Variants in ZFP1 observed in about 807,000 individuals in gnomAD.
The protein encoded by ZFP1 is ZFP1 zinc finger protein.
ZFP1 carries 32 observed loss-of-function variants against 38.5 expected under a neutral mutation model. The observed-to-expected ratio is 0.83, with a 90% confidence interval of 0.63 to 1.12. The LOEUF (loss-of-function observed/expected upper bound fraction) is 1.12. ZFP1 is among the 50% of genes most tolerant of loss of function. The pLI, the probability that ZFP1 is intolerant of heterozygous loss-of-function variation, is 0.00. For synonymous variants in ZFP1, 245 were observed against 168.8 expected (o/e 1.45, Z -3.50); for missense variants, 616 against 480.8 (o/e 1.28, Z -2.63).
In ZFP1 at chr16:75,166,956, A is replaced by G. The variant is rs537167395; in HGVS notation, c.142+60A>G. 14 of 1,562,844 alleles carry G rather than the reference A, an allele frequency of 9.0e-6. No individual in the cohort carries two copies. The East Asian group carries it at 2.7e-4, about 30-fold the overall frequency. ...CCTAGAGGTATTTATGTCCTGTCTC[A>G]GTGACCAGAAATGAGCTTCTGAATT... On this transcript the variant is annotated intron_variant, in intron 3 of 3. Coordinates refer to ENST00000570010, the MANE Select transcript of ZFP1 (RefSeq NM_153688.4).
At chr16:75,124,629 A>G in the ZFP1 span, among the ~76,000 whole-genome samples, 3 of 150,602 alleles carry the variant, frequency 2.0e-5, no homozygotes, top group African/African-American at 7.3e-5. Context: ...TAAAAATACA[A>G]AAACAAAATT....
At chr16:75,131,213 C>G in the ZFP1 span, among the ~76,000 whole-genome samples, 2 of 152,196 alleles carry the variant, frequency 1.3e-5, no homozygotes, top group Admixed American at 6.5e-5. Context: ...GTGGGCCACC[C>G]TCAGGAGCAT....
chr16:75,170,571 T>G lies in ZFP1; in HGVS notation c.*237T>G. 1 of 468,552 alleles carries G rather than the reference T, an allele frequency of 2.1e-6. No individual in the cohort carries two copies. Among genetic ancestry groups the G allele is most frequent in the Non-Finnish European group, 3.5e-6 (1 of 288,252 alleles). The allele number at this position is 468,552 out of a possible 1,614,324, so 29.0% of individuals were successfully genotyped here. A position where few individuals can be genotyped will look rare whatever the true frequency, so the allele number is the denominator to read the frequency against. ...TGTAAATAGCCATACCCAGTTGTAC[T>G]ACAATGAGCTTTTTAAAATCTTGAA... On this transcript the variant is annotated 3_prime_UTR_variant, in exon 4 of 4. Transcript: ENST00000570010.
At position 75,170,102 on chromosome 16, in the gene ZFP1, A is replaced by G. The variant is rs372826289; in HGVS notation, c.992A>G (p.Lys331Arg). 7 of 1,613,964 alleles carry G rather than the reference A, an allele frequency of 4.3e-6. No individual in the cohort carries two copies. The Admixed American group carries it at 1.2e-4, about 27-fold the overall frequency. The change falls in exon 4 of 4, where the codon AAA becomes AGA. Residue 331 changes from lysine (K) to arginine (R), a missense_variant. Lys to Arg is a conservative substitution (Grantham distance 26). Coordinates refer to ENST00000570010, the MANE Select transcript of ZFP1 (RefSeq NM_153688.4). ...CGCTATGAGTGCAGTGAATGTGGAA[A>G]ATCCTTTATCCAGAACTCACAGCTC... ...EKRYECSECG[K>R]SFIQNSQLII...
chr16:75,120,657 A>G, the ZFP1 span, among the ~76,000 whole-genome samples: 2 of 151,834 alleles, frequency 1.3e-5, no homozygotes, highest in Non-Finnish European at 1.5e-5. Flanking sequence ...GCTGGAGTGC[A>G]GTGGCGCAAT....
In ZFP1 at chr16:75,171,256, G is replaced by A. The variant is rs1381575724; in HGVS notation, c.*922G>A. 2 of 152,070 alleles carry A rather than the reference G, an allele frequency of 1.3e-5. No individual in the cohort carries two copies. Among genetic ancestry groups the A allele is most frequent in the African/African-American group, 4.8e-5 (2 of 41,400 alleles). 9.4% of individuals were successfully genotyped at this position (152,070 alleles called of 1,614,324 possible). ...TGTTTCCCTTAATATTTCATGAATTGTCTAGCAAAAATGGTAGGATGCTTC... is the reference window on the plus strand; with the variant it reads ...TGTTTCCCTTAATATTTCATGAATTATCTAGCAAAAATGGTAGGATGCTTC... On this transcript the variant is annotated 3_prime_UTR_variant, in exon 4 of 4. Coordinates refer to ENST00000570010, the MANE Select transcript of ZFP1 (RefSeq NM_153688.4).
At chr16:75,123,154 G>A in the ZFP1 span, among the ~76,000 whole-genome samples, 1 of 151,578 alleles carries the variant, frequency 6.6e-6, no homozygotes, top group African/African-American at 2.4e-5. Flanking sequence ...AGAAGTTTGA[G>A]ACCAGCCTGG....
intron 2 of ZFP1, among the ~76,000 whole-genome samples, chr16:75,156,712 A>G (rs2037487543): frequency 6.6e-6 from 1 of 152,190 alleles, no homozygotes; most frequent in Non-Finnish European, 1.5e-5. Context: ...GTGGGATGCT[A>G]TGCATTTTCT....
chr16:75,170,673 T>C lies in ZFP1; in HGVS notation c.*339T>C, dbSNP rs921484071. 4 of 196,712 alleles carry C rather than the reference T, an allele frequency of 2.0e-5. No homozygotes were observed. The highest frequency in any genetic ancestry group is 4.1e-5 in the Non-Finnish European group (4 of 96,654). The allele number at this position is 196,712 out of a possible 1,614,324, so 12.2% of individuals were successfully genotyped here. ...TGAATTTAGTGGTTTTATGTGGATA[T>C]GCCACAAAACACAAGTGGTATGCTT... is the stretch of plus-strand genomic sequence containing the variant. On this transcript the variant is annotated 3_prime_UTR_variant, in exon 4 of 4. Coordinates refer to ENST00000570010, the MANE Select transcript of ZFP1 (RefSeq NM_153688.4).
intron 2 of ZFP1, among the ~76,000 whole-genome samples, chr16:75,163,218 T>G (rs1294223663): frequency 6.6e-6 from 1 of 152,098 alleles, no homozygotes; most frequent in Admixed American, 6.5e-5. Context: ...ATGTTTTTTA[T>G]ATTACAAAAA....
chr16:75,167,314 A>C (rs528183002), intron 3 of ZFP1, among the ~76,000 whole-genome samples: 2 of 152,098 alleles, frequency 1.3e-5, no homozygotes, highest in Non-Finnish European at 2.9e-5. Context: ...CAAATCCCTA[A>C]CACTTAAGTA....
intron 3 of ZFP1, among the ~76,000 whole-genome samples, chr16:75,167,871 C>T (rs1200071146): frequency 2.0e-5 from 3 of 152,108 alleles, no homozygotes; most frequent in African/African-American, 7.2e-5. Context: ...CTGAGGCGGG[C>T]AGATCACCTG....
At chr16:75,149,605 G>C (rs1286218728) in intron 1 of ZFP1, among the ~76,000 whole-genome samples, 9 of 129,280 alleles carry the variant, frequency 7.0e-5, no homozygotes, top group African/African-American at 2.2e-4. Context: ...TGTCGTCCAG[G>C]CTGGAGTGCA....
the ZFP1 span, among the ~76,000 whole-genome samples, chr16:75,119,301 T>C: frequency 6.6e-6 from 1 of 152,162 alleles, no homozygotes; most frequent in Non-Finnish European, 1.5e-5. Flanking sequence ...CTCAAACCAA[T>C]AGGACAATTT....
intron 1 of ZFP1, among the ~76,000 whole-genome samples, chr16:75,149,752 T>C (rs1391333122): frequency 1.3e-5 from 2 of 152,036 alleles, no homozygotes; most frequent in Non-Finnish European, 2.9e-5. Context: ...TAACTGTTCC[T>C]CTAAATACTA....
chr16:75,163,881 A>T (rs1337870154), intron 2 of ZFP1, among the ~76,000 whole-genome samples: 4 of 152,180 alleles, frequency 2.6e-5, no homozygotes, highest in Non-Finnish European at 5.9e-5. Flanking sequence ...AAATGCTGGG[A>T]TTACACACAT....
upstream of ZFP1, among the ~76,000 whole-genome samples, chr16:75,144,624 C>T (rs1244150005): frequency 6.6e-6 from 1 of 152,116 alleles, no homozygotes; most frequent in Non-Finnish European, 1.5e-5. Flanking sequence ...TGTTGTATAT[C>T]CATCACCACT....
chr16:75,139,856 G>A, the ZFP1 span, among the ~76,000 whole-genome samples: 6 of 152,352 alleles, frequency 3.9e-5, no homozygotes, highest in South Asian at 1.2e-3. Flanking sequence ...AAGAGTTCCA[G>A]CGATGGATAG....
chr16:75,161,442 C>T (rs370012065), intron 2 of ZFP1, among the ~76,000 whole-genome samples: 2 of 151,612 alleles, frequency 1.3e-5, no homozygotes, highest in African/African-American at 4.8e-5. Flanking sequence ...TGTGGCTCTC[C>T]TCATAGATGC....
Sources: gnomAD v4.1 joint callset for allele counts (sites outside exome capture counted in the v4.1 genomes callset) on GRCh38, gnomAD v4.1.1 for gene constraint, MANE v1.5 for transcripts, NCBI Gene and HGNC (gene_info 2026-07-23, HGNC 2026-07-21) for gene names.